Variants in EPHA5 observed in about 807,000 individuals in gnomAD.
EPHA5 encodes the protein ephrin type-A receptor 5.
EPHA5 carries 60 observed loss-of-function variants against 105.0 expected under a neutral mutation model. The ratio of observed to expected loss-of-function variants is 0.57; its 90% CI spans 0.46 to 0.71. EPHA5 has a LOEUF of 0.71. EPHA5 is among the 30% of genes least tolerant of loss of function. EPHA5 has a pLI of 0.00. For missense variants in EPHA5, 1,218 were observed against 1,274.7 expected (o/e 0.96, Z 0.68); for synonymous variants, 513 against 449.1 (o/e 1.14, Z -1.80).
chr4:65,509,331 G>A (rs1415512594), intron 3 of EPHA5, among the ~76,000 whole-genome samples: 1 of 151,932 alleles, frequency 6.6e-6, no homozygotes, highest in Non-Finnish European at 1.5e-5. Flanking sequence ...TTAGTTAACT[G>A]TTCGACCTGT....
chr4:65,586,283 A>G (rs1742117776), intron 3 of EPHA5, among the ~76,000 whole-genome samples: 2 of 151,800 alleles, frequency 1.3e-5, no homozygotes, highest in Admixed American at 1.3e-4. Context: ...CCAATTTAAT[A>G]TAACTTTTCC....
intron 1 of EPHA5, among the ~76,000 whole-genome samples, chr4:65,657,339 G>C: frequency 6.6e-6 from 1 of 152,066 alleles, no homozygotes; most frequent in East Asian, 1.9e-4. Flanking sequence ...TGTTATGTTG[G>C]CTGATAGCTG....
At chr4:65,606,869 G>T (rs76022287) in intron 2 of EPHA5, among the ~76,000 whole-genome samples, 1,770 of 152,152 alleles carry the variant, frequency 0.012, 35 homozygotes, top group African/African-American at 0.04. Flanking sequence ...ATCTGGCAAA[G>T]AATCAATTGC....
intron 3 of EPHA5, among the ~76,000 whole-genome samples, chr4:65,499,124 G>T (rs1357680263): frequency 2.0e-5 from 3 of 151,582 alleles, no homozygotes; most frequent in Admixed American, 6.6e-5. Flanking sequence ...AGCTGATACA[G>T]TCATTTGTCT....
intron 2 of EPHA5, among the ~76,000 whole-genome samples, chr4:65,614,131 G>T (rs980136350): frequency 6.6e-6 from 1 of 151,804 alleles, no homozygotes; most frequent in African/African-American, 2.4e-5. Context: ...CTGTCAACTT[G>T]TTCCTTGTCT....
intron 5 of EPHA5, among the ~76,000 whole-genome samples, chr4:65,457,594 A>C (rs993930159): frequency 6.6e-6 from 1 of 151,936 alleles, no homozygotes; most frequent in African/African-American, 2.4e-5. Context: ...CAAAATTTGA[A>C]ATAAATACTT....
At chr4:65,514,982 T>C (rs1015124393) in intron 3 of EPHA5, among the ~76,000 whole-genome samples, 1 of 152,166 alleles carries the variant, frequency 6.6e-6, no homozygotes, top group Non-Finnish European at 1.5e-5. Flanking sequence ...AACGTTGTGA[T>C]TATCAATAGC....
intron 1 of EPHA5, among the ~76,000 whole-genome samples, chr4:65,662,380 G>C (rs2149552270): frequency 1.3e-5 from 2 of 152,122 alleles, no homozygotes; most frequent in East Asian, 3.9e-4. Context: ...TAACAGAGTT[G>C]TGTGGCTAGT....
chr4:65,358,264 C>T (rs62313041), intron 11 of EPHA5, among the ~76,000 whole-genome samples: 20,671 of 151,418 alleles, frequency 0.14, 1,784 homozygotes, highest in Middle Eastern at 0.23. Flanking sequence ...CATCAATAAA[C>T]ACATGATACC....
At chr4:65,527,352 C>T (rs973616396) in intron 3 of EPHA5, among the ~76,000 whole-genome samples, 6 of 151,948 alleles carry the variant, frequency 3.9e-5, no homozygotes, top group Admixed American at 3.3e-4. Context: ...TCAAGTTATA[C>T]GTGAAATATT....
At chr4:65,616,064 A>T (rs1410696772) in intron 2 of EPHA5, among the ~76,000 whole-genome samples, 1 of 151,946 alleles carries the variant, frequency 6.6e-6, no homozygotes, top group African/African-American at 2.4e-5. Flanking sequence ...ATGGTTAAAC[A>T]AACTGTAGTA....
Position 65,409,346 on chromosome 4 carries a change from A to ATAAATAAATAAATAAAT in EPHA5, c.1688-4868_1688-4867insATTTATTTATTTATTTA, listed in dbSNP as rs1553910970. Among the ~76,000 whole-genome samples the ATAAATAAATAAATAAAT allele has an allele frequency of 7.6e-4, 102 of 134,200 alleles. 2 individuals are homozygous for ATAAATAAATAAATAAAT. The highest frequency in any genetic ancestry group is 1.9e-4 in the Non-Finnish European group (12 of 63,166). The allele number at this position is 134,200 out of a possible 152,430, so 88.0% of individuals were successfully genotyped here. On this transcript the variant is annotated intron_variant, in intron 7 of 16. Coordinates refer to ENST00000613740, the MANE Select transcript of EPHA5 (RefSeq NM_001281766.3). ...CCTAAAACTTAAGGTATAATAATAA[A>ATAAATAAATAAATAAAT]AAATAAATAAATAAATAAATAAATA...
At chr4:65,552,681 A>C (rs1332226403) in intron 3 of EPHA5, among the ~76,000 whole-genome samples, 3 of 150,368 alleles carry the variant, frequency 2.0e-5, no homozygotes, top group Admixed American at 1.3e-4. Context: ...TCTTAGTGTC[A>C]GGTCACAACA....
chr4:65,365,919 C>T lies in EPHA5; in HGVS notation c.1987+13G>A, dbSNP rs2148891913. 6.3e-7 allele frequency: 1 copy of T among 1,595,420 alleles called. No homozygotes were observed. The highest frequency in any genetic ancestry group is 8.6e-7 in the Non-Finnish European group (1 of 1,166,542). On this transcript the variant is annotated intron_variant, in intron 10 of 16. Transcript: ENST00000613740. ...ACAAAAGTTAAAAATGAAAGTCAAA[C>T]ACATTGTCGTACCTGCTCCAATAAC...
chr4:65,439,000 A>G (rs1725757989), intron 5 of EPHA5, among the ~76,000 whole-genome samples: 1 of 152,130 alleles, frequency 6.6e-6, no homozygotes, highest in Non-Finnish European at 1.5e-5. Context: ...AAAATATACT[A>G]AACCCTTACA....
intron 5 of EPHA5, among the ~76,000 whole-genome samples, chr4:65,486,275 C>T (rs1730872624): frequency 1.3e-5 from 2 of 151,750 alleles, no homozygotes; most frequent in Admixed American, 1.3e-4. Context: ...ACCCCCCCAC[C>T]CCCATTTCCC....
chr4:65,586,451 A>G (rs1053292007), intron 3 of EPHA5, among the ~76,000 whole-genome samples: 1 of 151,760 alleles, frequency 6.6e-6, no homozygotes, highest in Non-Finnish European at 1.5e-5. Context: ...TTACTAGCAA[A>G]TAGTTGTCTT....
chr4:65,508,096 A>C (rs982893076), intron 3 of EPHA5, among the ~76,000 whole-genome samples: 1 of 152,078 alleles, frequency 6.6e-6, no homozygotes, highest in Non-Finnish European at 1.5e-5. Context: ...TCCTTAGTAC[A>C]TGGGCTTTTG....
chr4:65,507,465 C>A lies in EPHA5; in HGVS notation c.911-11922G>T, dbSNP rs190262843. ...CTATAAATTACCTTGGGCAGTATGG[C>A]CATTTTCACGATATTGATGCTTCCT... On this transcript the variant is annotated intron_variant, in intron 3 of 16. Coordinates refer to ENST00000613740, the MANE Select transcript of EPHA5 (RefSeq NM_001281766.3). Among the ~76,000 whole-genome samples the A allele has an allele frequency of 1.7e-3, 254 of 152,200 alleles. 8 individuals carry two copies. The East Asian group carries it at 0.043, about 25-fold the overall frequency.
Sources: gnomAD v4.1 joint callset for allele counts (sites outside exome capture counted in the v4.1 genomes callset) on GRCh38, gnomAD v4.1.1 for gene constraint, MANE v1.5 for transcripts, NCBI Gene and HGNC (gene_info 2026-07-23, HGNC 2026-07-21) for gene names.